SPATS2: variants seen among roughly 807,000 people sequenced by gnomAD.
The protein encoded by SPATS2 is spermatogenesis-associated serine-rich protein 2.
SPATS2 carries 38 observed loss-of-function variants against 63.7 expected under a neutral mutation model. The ratio of observed to expected loss-of-function variants is 0.60; its 90% CI spans 0.46 to 0.78. The LOEUF (loss-of-function observed/expected upper bound fraction) is 0.78. Among genes scored for constraint, SPATS2 ranks in the 30% least tolerant of loss-of-function variants. The probability of loss-of-function intolerance (pLI) is 0.00; values close to 1 mark genes in which losing one functional copy is unlikely to be tolerated. For missense variants in SPATS2, 588 were observed against 666.2 expected, an observed-to-expected ratio of 0.88 and a Z score of 1.29; for synonymous variants, 207 against 232.9, an observed-to-expected ratio of 0.89 and a Z score of 1.01.
At chr12:49,443,224 C>CT (rs1451566683) in intron 2 of SPATS2, among the ~76,000 whole-genome samples, 2 of 152,234 alleles carry the variant, frequency 1.3e-5, no homozygotes, top group African/African-American at 4.8e-5. Flanking sequence ...GCAGATATCT[C>CT]TGAGACTCTA....
At chr12:49,499,396 T>G (rs548582690) in intron 8 of SPATS2, among the ~76,000 whole-genome samples, 13 of 77,612 alleles carry the variant, frequency 1.7e-4, no homozygotes, top group African/African-American at 2.7e-4. Flanking sequence ...GCCTGGTTGT[T>G]TTGTTTTGTT....
rs1491140325 is a variant in SPATS2, at chr12:49,409,591, AAT to A, written c.-244+38302_-244+38303del. On this transcript the variant is annotated intron_variant, in intron 2 of 13. Transcript: ENST00000552918. The stretch of plus-strand genomic sequence containing the variant: ...ACAGGCGTGAGCCACTGTGCCCAGC[AAT>A]TTTTTTTTTTTTTTTTTTTTTTTTT... 4.1e-3 allele frequency among the ~76,000 whole-genome samples: 501 copies of A among 123,322 alleles called. 13 individuals are homozygous for A. The highest frequency in any genetic ancestry group is 6.7e-3 in the Admixed American group (75 of 11,160). 80.9% of individuals were successfully genotyped at this position (123,322 alleles called of 152,430 possible).
intron 11 of SPATS2, among the ~76,000 whole-genome samples, chr12:49,521,193 T>C (rs1489004162): frequency 6.6e-6 from 1 of 152,220 alleles, no homozygotes; most frequent in Non-Finnish European, 1.5e-5. Flanking sequence ...CTTCTCTTTC[T>C]GAACACATAA....
upstream of SPATS2, chr12:49,367,461 C>A (rs1303968237): frequency 5.8e-5 from 23 of 399,776 alleles, no homozygotes; most frequent in Non-Finnish European, 4.4e-6. Flanking sequence ...AGGAGCGCGG[C>A]GGCGACGGCG....
chr12:49,525,614 G>T (rs1565766076), intron 13 of SPATS2, among the ~76,000 whole-genome samples: 1 of 152,160 alleles, frequency 6.6e-6, no homozygotes, highest in African/African-American at 2.4e-5. Flanking sequence ...TATCTGCAGA[G>T]TTCAGACATA....
At chr12:49,417,712 C>T (rs1181518284) in intron 2 of SPATS2, among the ~76,000 whole-genome samples, 1 of 152,132 alleles carries the variant, frequency 6.6e-6, no homozygotes. Flanking sequence ...TAAAAGAAGA[C>T]AATAGCCTAG....
intron 9 of SPATS2, among the ~76,000 whole-genome samples, chr12:49,512,312 A>T (rs1018604474): frequency 1.3e-5 from 2 of 152,226 alleles, no homozygotes; most frequent in Non-Finnish European, 2.9e-5. Flanking sequence ...GACAAACAAC[A>T]AACAAAAAGA....
At chr12:49,450,403 C>G (rs1427171802) in intron 2 of SPATS2, among the ~76,000 whole-genome samples, 1 of 152,064 alleles carries the variant, frequency 6.6e-6, no homozygotes, top group Non-Finnish European at 1.5e-5. Flanking sequence ...GACACCATGC[C>G]TGGTTAATTT....
rs1366125954 is a variant in SPATS2, at chr12:49,527,367, A to G, written c.*1112A>G. ...TGTTAATCTAAGGCATTACTCATCAAAAAAATTGCTGCAGTCTTTACAGTT... is the reference window on the plus strand; with the variant it reads ...TGTTAATCTAAGGCATTACTCATCAGAAAAATTGCTGCAGTCTTTACAGTT... On this transcript the variant is annotated 3_prime_UTR_variant, in exon 14 of 14. Transcript: ENST00000552918. 6.6e-6 allele frequency: 1 copy of G among 152,134 alleles called. No individual in the cohort carries two copies. Among genetic ancestry groups the G allele is most frequent in the Admixed American group, 6.5e-5 (1 of 15,272 alleles). 9.4% of individuals were successfully genotyped at this position (152,134 alleles called of 1,614,324 possible).
chr12:49,411,482 C>A (rs1341251898), intron 2 of SPATS2, among the ~76,000 whole-genome samples: 2 of 151,924 alleles, frequency 1.3e-5, no homozygotes, highest in Admixed American at 1.3e-4. Flanking sequence ...TGGTCCCCCC[C>A]AAAAAAGAAA....
chr12:49,439,110 AAG>A (rs1472475221), intron 2 of SPATS2, among the ~76,000 whole-genome samples: 1 of 152,210 alleles, frequency 6.6e-6, no homozygotes, highest in African/African-American at 2.4e-5. Context: ...CATTTGAACA[AAG>A]AGAGAGAACG....
rs542645295 is a variant in SPATS2, at chr12:49,380,481, G to A, written c.-244+9191G>A. 3.9e-5 allele frequency among the ~76,000 whole-genome samples: 6 copies of A among 152,190 alleles called. No individual in the cohort carries two copies. The South Asian group carries it at 1.0e-3, about 26-fold the overall frequency. The stretch of plus-strand genomic sequence containing the variant: ...AGCACTTTGGGAGGCCGAGGTGGGC[G>A]GATCACCTGAGGTCAGGAGTTTGAG... On this transcript the variant is annotated intron_variant, in intron 2 of 13. Coordinates refer to ENST00000552918, the MANE Select transcript of SPATS2 (RefSeq NM_023071.4).
At chr12:49,524,539 T>C (rs1257455503) in intron 12 of SPATS2, 143 bp from the exon 13 acceptor site, 2 of 817,758 alleles carry the variant, frequency 2.4e-6, no homozygotes, top group African/African-American at 3.5e-5. Flanking sequence ...TTTTTCTTCC[T>C]GTTACCAGTT....
Position 49,383,044 on chromosome 12 carries a change from G to C in SPATS2, c.-244+11754G>C, listed in dbSNP as rs1944249948. On this transcript the variant is annotated intron_variant, in intron 2 of 13. Transcript: ENST00000552918. ...ATTATTATTATTATTTTAAAACAGA[G>C]TCTTGCTCTGTCACCCAGGCTGGAG... Among the ~76,000 whole-genome samples, 4 of 150,284 alleles carry C rather than the reference G, an allele frequency of 2.7e-5. No individual in the cohort carries two copies. In the South Asian group the frequency reaches 8.4e-4, roughly 32 times the overall value.
intron 9 of SPATS2, among the ~76,000 whole-genome samples, chr12:49,507,591 A>G (rs1758421694): frequency 6.6e-6 from 1 of 152,222 alleles, no homozygotes; most frequent in South Asian, 2.1e-4. Flanking sequence ...GTAAAACTCA[A>G]AATTCTACCA....
intron 2 of SPATS2, among the ~76,000 whole-genome samples, chr12:49,435,467 A>G (rs1945259844): frequency 6.6e-6 from 1 of 151,164 alleles, no homozygotes. Context: ...CTGGGACTAC[A>G]TGCACACGCC....
intron 6 of SPATS2, among the ~76,000 whole-genome samples, chr12:49,492,219 C>CTT (rs534727922): frequency 6.9e-6 from 1 of 144,254 alleles, no homozygotes; most frequent in Non-Finnish European, 1.5e-5. Flanking sequence ...TTTCTTTTTT[C>CTT]TTTTTTTTTT....
intron 9 of SPATS2, among the ~76,000 whole-genome samples, chr12:49,513,158 G>A (rs1402689078): frequency 1.3e-5 from 2 of 152,058 alleles, no homozygotes; most frequent in Non-Finnish European, 2.9e-5. Flanking sequence ...TAACTACTTT[G>A]TGCTAACATA....
chr12:49,384,840 A>G (rs1349780831), intron 2 of SPATS2, among the ~76,000 whole-genome samples: 2 of 149,618 alleles, frequency 1.3e-5, no homozygotes, highest in African/African-American at 2.5e-5. Context: ...ACGGCATTTC[A>G]CTCATGTTGC....
Sources: gnomAD v4.1 joint callset for allele counts (sites outside exome capture counted in the v4.1 genomes callset) on GRCh38, gnomAD v4.1.1 for gene constraint, MANE v1.5 for transcripts, NCBI Gene and HGNC (gene_info 2026-07-23, HGNC 2026-07-21) for gene names.